RANBP10: variants seen among roughly 807,000 people sequenced by gnomAD.
The protein encoded by RANBP10 is RAN binding protein 10.
In RANBP10, 24 loss-of-function variants were observed where a neutral mutation model predicts 72.8. The ratio of observed to expected loss-of-function variants is 0.33; its 90% CI spans 0.24 to 0.46. The LOEUF (loss-of-function observed/expected upper bound fraction) is 0.46. RANBP10 is among the 20% of genes least tolerant of loss of function. RANBP10 has a pLI of 1.00. For synonymous variants in RANBP10, 310 were observed against 322.3 expected (o/e 0.96, Z 0.41); for missense variants, 679 against 817.5 (o/e 0.83, Z 2.07).
Position 67,751,008 on chromosome 16 carries a change from T to C in RANBP10, c.401-6553A>G, listed in dbSNP as rs568774715. Among the ~76,000 whole-genome samples the C allele has an allele frequency of 8.0e-3, 1,218 of 152,158 alleles. 20 individuals carry two copies. Among genetic ancestry groups the C allele is most frequent in the African/African-American group, 0.028 (1,159 of 41,484 alleles). On this transcript the variant is annotated intron_variant, in intron 3 of 13. Coordinates refer to ENST00000317506, the MANE Select transcript of RANBP10 (RefSeq NM_020850.3). ...GTCTCGATCTCCTGATCTCGTGATC[T>C]GCCCGCCTCGGCCTCCCAAAGTGCT... is the stretch of plus-strand genomic sequence containing the variant.
At chr16:67,780,981 C>T (rs1224022868) in intron 2 of RANBP10, among the ~76,000 whole-genome samples, 1 of 152,234 alleles carries the variant, frequency 6.6e-6, no homozygotes, top group African/African-American at 2.4e-5. Context: ...CAATCCTAGA[C>T]TCCAATCTCA....
intron 2 of RANBP10, among the ~76,000 whole-genome samples, chr16:67,784,853 G>A (rs1388028789): frequency 6.6e-6 from 1 of 151,152 alleles, no homozygotes; most frequent in Non-Finnish European, 1.5e-5. Context: ...AAAAGAAAAT[G>A]ATCTAAATAT....
chr16:67,795,087 TA>T (rs928786549), intron 2 of RANBP10, among the ~76,000 whole-genome samples: 97 of 144,810 alleles, frequency 6.7e-4, no homozygotes, highest in Admixed American at 7.6e-4. Context: ...CATTTCTACT[TA>T]AAAAAAAAAA....
At chr16:67,759,399 C>T (rs1288055711) in intron 3 of RANBP10, among the ~76,000 whole-genome samples, 1 of 152,182 alleles carries the variant, frequency 6.6e-6, no homozygotes, top group Non-Finnish European at 1.5e-5. Flanking sequence ...GCAGGGCTGC[C>T]TGGAGGCACC....
At chr16:67,756,039 C>T (rs530720009) in intron 3 of RANBP10, among the ~76,000 whole-genome samples, 8 of 152,312 alleles carry the variant, frequency 5.3e-5, no homozygotes, top group Admixed American at 3.3e-4. Context: ...CTGGCACCAC[C>T]CACTTCCCCC....
At position 67,771,924 on chromosome 16, in the gene RANBP10, G is replaced by A. The variant is rs987112154; in HGVS notation, c.400+110C>T. ...CCTCCAACCAGTAGCATGGCTTGAG[G>A]TAGGCAGCTAGCAAACAAAGTCCTC... On this transcript the variant is annotated intron_variant, in intron 3 of 13. Transcript: ENST00000317506. The A allele has an allele frequency of 1.1e-5, 14 of 1,267,772 alleles. No homozygotes were observed. The East Asian group carries it at 3.1e-4, about 28-fold the overall frequency. The allele number at this position is 1,267,772 out of a possible 1,614,324, so 78.5% of individuals were successfully genotyped here. A position where few individuals can be genotyped will look rare whatever the true frequency, so the allele number is the denominator to read the frequency against.
Position 67,769,462 on chromosome 16 carries a change from AG to A in RANBP10, c.400+2571del, listed in dbSNP as rs752895286. On this transcript the variant is annotated intron_variant, in intron 3 of 13. Coordinates refer to ENST00000317506, the MANE Select transcript of RANBP10 (RefSeq NM_020850.3). ...CTGTCTCAAAAAAAAAAAAAAAAAA[AG>A]TGCTGGGCGCAGTGGCTCACGCCTG... 3.2e-4 allele frequency among the ~76,000 whole-genome samples: 44 copies of A among 136,886 alleles called. 9 individuals are homozygous for A. Among genetic ancestry groups the A allele is most frequent in the Admixed American group, 8.3e-4 (11 of 13,290 alleles). 89.8% of individuals were successfully genotyped at this position (136,886 alleles called of 152,430 possible). A position where few individuals can be genotyped will look rare whatever the true frequency, so the allele number is the denominator to read the frequency against.
intron 2 of RANBP10, among the ~76,000 whole-genome samples, chr16:67,773,298 CA>C (rs528364907): frequency 6.6e-4 from 101 of 152,324 alleles, no homozygotes; most frequent in Non-Finnish European, 1.2e-3. Flanking sequence ...GGCTCCTAGT[CA>C]ACATCCACTA....
chr16:67,791,403 GA>G (rs2055025593), intron 2 of RANBP10, among the ~76,000 whole-genome samples: 1 of 152,158 alleles, frequency 6.6e-6, no homozygotes, highest in African/African-American at 2.4e-5. Context: ...TAAGATACAG[GA>G]GCCAATGGGG....
At chr16:67,777,797 T>A (rs1325768698) in intron 2 of RANBP10, among the ~76,000 whole-genome samples, 1 of 151,972 alleles carries the variant, frequency 6.6e-6, no homozygotes, top group African/African-American at 2.4e-5. Flanking sequence ...ACAGAAACAG[T>A]CAAAACAATC....
chr16:67,804,125 G>A (rs2055287731), intron 2 of RANBP10, among the ~76,000 whole-genome samples: 1 of 152,146 alleles, frequency 6.6e-6, no homozygotes, highest in Non-Finnish European at 1.5e-5. Flanking sequence ...CAGTCCCTAG[G>A]AGAAAGAAGT....
intron 2 of RANBP10, among the ~76,000 whole-genome samples, chr16:67,774,682 C>T (rs2054667093): frequency 6.6e-6 from 1 of 152,176 alleles, no homozygotes. Context: ...CCCACAGGAG[C>T]CCAGGTTGCA....
chr16:67,767,402 A>C (rs1288543451), intron 3 of RANBP10, among the ~76,000 whole-genome samples: 2 of 143,510 alleles, frequency 1.4e-5, no homozygotes, highest in African/African-American at 5.3e-5. Flanking sequence ...GGCTGCAGTG[A>C]GCCGTGACCA....
intron 2 of RANBP10, among the ~76,000 whole-genome samples, chr16:67,794,724 C>T (rs1470464912): frequency 6.6e-6 from 1 of 150,544 alleles, no homozygotes. Flanking sequence ...AGGGTTTCAC[C>T]GTGTTAGCCA....
chr16:67,775,239 A>T (rs909461206), intron 2 of RANBP10, among the ~76,000 whole-genome samples: 3 of 152,070 alleles, frequency 2.0e-5, no homozygotes, highest in Non-Finnish European at 4.4e-5. Flanking sequence ...TGAACCCTAG[A>T]GGCCGAGGTT....
At chr16:67,727,955 T>C (rs2053642497) in intron 11 of RANBP10, 59 bp from the exon 12 acceptor site, 4 of 1,587,210 alleles carry the variant, frequency 2.5e-6, no homozygotes, top group Non-Finnish European at 3.4e-6. Context: ...AGGGCAGGAC[T>C]AGGGTGGGGC....
chr16:67,735,295 T>A (rs1189340573), intron 5 of RANBP10, among the ~76,000 whole-genome samples: 2 of 152,172 alleles, frequency 1.3e-5, no homozygotes, highest in African/African-American at 4.8e-5. Context: ...CAGAGGCCAT[T>A]GTGTCCTCAA....
At chr16:67,748,496 C>T (rs2054130951) in intron 3 of RANBP10, among the ~76,000 whole-genome samples, 1 of 151,874 alleles carries the variant, frequency 6.6e-6, no homozygotes, top group Non-Finnish European at 1.5e-5. Context: ...TGCACTCCAG[C>T]CTGGGCAACA....
rs1023458470 is a variant in RANBP10, at chr16:67,769,461, AAG to A, written c.400+2571_400+2572del. Among the ~76,000 whole-genome samples the A allele has an allele frequency of 1.7e-4, 23 of 139,190 alleles. 3 individuals carry two copies. The East Asian group carries it at 2.8e-3, about 17-fold the overall frequency. 91.3% of individuals were successfully genotyped at this position (139,190 alleles called of 152,430 possible). A position where few individuals can be genotyped will look rare whatever the true frequency, so the allele number is the denominator to read the frequency against. ...CCTGTCTCAAAAAAAAAAAAAAAAA[AAG>A]TGCTGGGCGCAGTGGCTCACGCCTG... On this transcript the variant is annotated intron_variant, in intron 3 of 13. Transcript: ENST00000317506.
Sources: allele counts gnomAD v4.1 joint callset (sites outside exome capture counted in the v4.1 genomes callset), GRCh38; gene constraint gnomAD v4.1.1; transcripts MANE v1.5; gene names NCBI Gene and HGNC (gene_info 2026-07-23, HGNC 2026-07-21).